Variants in SLC8A1 observed in about 807,000 individuals in gnomAD.
The protein encoded by SLC8A1 is sodium/calcium exchanger 1.
A neutral mutation model predicts 68.3 loss-of-function variants in SLC8A1; 18 were observed. The ratio of observed to expected loss-of-function variants is 0.26; its 90% confidence interval spans 0.18 to 0.39. SLC8A1 has a LOEUF of 0.39. SLC8A1 is among the 10% of genes least tolerant of loss of function. The pLI is 1.00. For missense variants in SLC8A1, 985 were observed against 1,156.7 expected (o/e 0.85, Z 2.15); for synonymous variants, 475 against 415.5 (o/e 1.14, Z -1.74).
At chr2:40,309,223 A>G (rs1212568118) in intron 2 of SLC8A1, among the ~76,000 whole-genome samples, 1 of 152,148 alleles carries the variant, frequency 6.6e-6, no homozygotes, top group African/African-American at 2.4e-5. Context: ...TTCAAGAGGT[A>G]TTTCTAATAT....
At chr2:40,502,691 A>C (rs565644120) in intron 1 of SLC8A1, among the ~76,000 whole-genome samples, 1 of 152,156 alleles carries the variant, frequency 6.6e-6, no homozygotes, top group Non-Finnish European at 1.5e-5. Flanking sequence ...TTAAGTAAAG[A>C]ATACTCATTT....
chr2:40,237,508 A>T (rs2060559604), intron 2 of SLC8A1, among the ~76,000 whole-genome samples: 1 of 151,906 alleles, frequency 6.6e-6, no homozygotes, highest in Non-Finnish European at 1.5e-5. Context: ...ACATTCTTCT[A>T]AATTTTTTTC....
chr2:40,254,259 A>G (rs2063501866), intron 2 of SLC8A1, among the ~76,000 whole-genome samples: 2 of 152,168 alleles, frequency 1.3e-5, no homozygotes, highest in Admixed American at 1.3e-4. Context: ...TTGGGGTCTT[A>G]AGTAATTTCC....
intron 2 of SLC8A1, among the ~76,000 whole-genome samples, chr2:40,381,641 A>C (rs1394087377): frequency 6.6e-6 from 1 of 151,928 alleles, no homozygotes; most frequent in Admixed American, 6.6e-5. Context: ...CCTATAGAAC[A>C]GATGTTTATG....
At chr2:40,339,911 T>G (rs77941662) in intron 2 of SLC8A1, among the ~76,000 whole-genome samples, 4,327 of 152,328 alleles carry the variant, frequency 0.028, 90 homozygotes, top group Non-Finnish European at 0.041. Flanking sequence ...TGTGTATACT[T>G]TCACAAATTC....
chr2:40,351,817 T>G (rs1442480229), intron 2 of SLC8A1, among the ~76,000 whole-genome samples: 1 of 152,120 alleles, frequency 6.6e-6, no homozygotes, highest in Non-Finnish European at 1.5e-5. Context: ...GAATGAAAGA[T>G]TCAAACCAAC....
intron 2 of SLC8A1, among the ~76,000 whole-genome samples, chr2:40,405,023 C>G (rs745370296): frequency 6.6e-6 from 1 of 152,164 alleles, no homozygotes; most frequent in Non-Finnish European, 1.5e-5. Flanking sequence ...TACTGAACCA[C>G]TGAGCAGGTC....
intron 1 of SLC8A1, among the ~76,000 whole-genome samples, chr2:40,433,557 T>G (rs948154735): frequency 1.3e-5 from 2 of 152,144 alleles, no homozygotes; most frequent in East Asian, 3.9e-4. Context: ...TCCATTATAG[T>G]CCATGAGAAC....
chr2:40,319,622 T>C (rs1043579351), intron 2 of SLC8A1, among the ~76,000 whole-genome samples: 1 of 152,112 alleles, frequency 6.6e-6, no homozygotes, highest in African/African-American at 2.4e-5. Flanking sequence ...ATATTATATA[T>C]GAGCAGTTCC....
rs150694054 is a variant in SLC8A1, at chr2:40,216,115, T to G, written c.1809-38260A>C. On this transcript the variant is annotated intron_variant, in intron 2 of 7. Coordinates refer to ENST00000406785, the Ensembl canonical transcript of SLC8A1. ...TAGGTATACGTGTGCCATGGTGGTT[T>G]GCTGCACCTGTTGACCCATCCTCTA... Among the ~76,000 whole-genome samples the G allele has an allele frequency of 3.1e-3, 478 of 152,114 alleles. 7 individuals are homozygous for G. Among genetic ancestry groups the G allele is most frequent in the African/African-American group, 0.011 (456 of 41,492 alleles).
intron 1 of SLC8A1, among the ~76,000 whole-genome samples, chr2:40,473,153 T>C (rs564201812): frequency 1.8e-4 from 28 of 151,966 alleles, no homozygotes; most frequent in Non-Finnish European, 3.7e-4. Flanking sequence ...GAAAAAGACC[T>C]GAGATACAGA....
intron 5 of SLC8A1, among the ~76,000 whole-genome samples, chr2:40,162,325 C>G (rs912428640): frequency 2.6e-5 from 4 of 152,172 alleles, no homozygotes; most frequent in Non-Finnish European, 2.9e-5. Flanking sequence ...TTCAAAGTGC[C>G]TTGTAGAATG....
intron 2 of SLC8A1, among the ~76,000 whole-genome samples, chr2:40,396,809 G>C (rs909134649): frequency 3.3e-5 from 4 of 120,288 alleles, no homozygotes; most frequent in Non-Finnish European, 6.7e-5. Flanking sequence ...ACCAGCAAGA[G>C]AAACTGTAGT....
chr2:40,377,018 G>A (rs563802004), intron 2 of SLC8A1, among the ~76,000 whole-genome samples: 1 of 152,116 alleles, frequency 6.6e-6, no homozygotes, highest in Non-Finnish European at 1.5e-5. Context: ...ATAGAATATG[G>A]CAAAGGTGAG....
chr2:40,433,100 G>C (rs746158016), intron 1 of SLC8A1, among the ~76,000 whole-genome samples: 2 of 152,012 alleles, frequency 1.3e-5, no homozygotes, highest in African/African-American at 4.8e-5. Flanking sequence ...CTGCCAAATC[G>C]CATCATTCCA....
chr2:40,229,355 A>G (rs970735124), intron 2 of SLC8A1, among the ~76,000 whole-genome samples: 6 of 152,194 alleles, frequency 3.9e-5, no homozygotes. Flanking sequence ...AAATAAATAT[A>G]TTTGTAATTA....
At chr2:40,414,764 G>A (rs1020184043) in intron 2 of SLC8A1, among the ~76,000 whole-genome samples, 9 of 151,898 alleles carry the variant, frequency 5.9e-5, no homozygotes, top group African/African-American at 1.7e-4. Context: ...TATTTATTAT[G>A]GAAACATATA....
At chr2:40,459,497 A>G (rs982006615) in intron 1 of SLC8A1, among the ~76,000 whole-genome samples, 1 of 152,170 alleles carries the variant, frequency 6.6e-6, no homozygotes, top group Non-Finnish European at 1.5e-5. Context: ...GACTTGTACC[A>G]CTGCGTTTTG....
intron 2 of SLC8A1, among the ~76,000 whole-genome samples, chr2:40,188,242 GATCTT>G (rs2051066681): frequency 3.9e-5 from 6 of 152,140 alleles, no homozygotes; most frequent in Admixed American, 3.9e-4. Flanking sequence ...TATAATCTGA[GATCTT>G]AACTGTACTC....
Sources: gnomAD v4.1 joint callset for allele counts (sites outside exome capture counted in the v4.1 genomes callset) on GRCh38, gnomAD v4.1.1 for gene constraint, MANE v1.5 for transcripts, NCBI Gene and HGNC (gene_info 2026-07-23, HGNC 2026-07-21) for gene names.